MEIS1: variants seen among roughly 807,000 people sequenced by gnomAD.
The protein encoded by MEIS1 is homeobox protein Meis1.
In MEIS1, 5 loss-of-function variants were observed where a neutral mutation model predicts 50.8. That is an observed-to-expected ratio of 0.10 (90% CI 0.05 to 0.21). The LOEUF is 0.21. Ranked by LOEUF, MEIS1 falls within the 10% of genes least tolerant of loss-of-function variation. MEIS1 has a pLI of 1.00. For synonymous variants in MEIS1, 176 were observed against 179.3 expected, an observed-to-expected ratio of 0.98 and a Z score of 0.15; for missense variants, 318 against 517.3, an observed-to-expected ratio of 0.61 and a Z score of 3.74.
At chr2:66,568,562 A>G (rs931550766) in intron 10 of MEIS1, 105 bp from the exon 11 acceptor site, 9 of 828,226 alleles carry the variant, frequency 1.1e-5, no homozygotes, top group Non-Finnish European at 1.8e-5. Flanking sequence ...CTAGCCTGCT[A>G]TGTTCTGTCT....
intron 9 of MEIS1, among the ~76,000 whole-genome samples, chr2:66,549,022 G>T (rs896102348): frequency 1.3e-5 from 2 of 152,132 alleles, no homozygotes; most frequent in African/African-American, 4.8e-5. Flanking sequence ...ATTTGTTCTT[G>T]ATGTCTATTG....
chr2:66,552,586 C>A (rs973067674), intron 9 of MEIS1, among the ~76,000 whole-genome samples: 36 of 152,066 alleles, frequency 2.4e-4, no homozygotes, highest in African/African-American at 8.2e-4. Flanking sequence ...TTATTGCTTT[C>A]AAAGCTGCAA....
intron 6 of MEIS1, chr2:66,445,398 G>A (rs1672106805): frequency 6.6e-6 from 1 of 152,454 alleles, no homozygotes; most frequent in Non-Finnish European, 1.5e-5. Flanking sequence ...CGCGACGAAT[G>A]AAGCACCAGG....
intron 6 of MEIS1, among the ~76,000 whole-genome samples, chr2:66,458,044 T>C (rs1672434315): frequency 6.6e-6 from 1 of 152,212 alleles, no homozygotes; most frequent in Non-Finnish European, 1.5e-5. Context: ...ACACTGATTA[T>C]TTCATCAGTT....
At chr2:66,528,517 T>C (rs1001821811) in intron 8 of MEIS1, among the ~76,000 whole-genome samples, 1 of 152,124 alleles carries the variant, frequency 6.6e-6, no homozygotes, top group Non-Finnish European at 1.5e-5. Context: ...CCAACTCAGC[T>C]GAGACCCAGG....
intron 9 of MEIS1, among the ~76,000 whole-genome samples, chr2:66,550,748 T>C (rs1373399717): frequency 1.3e-5 from 2 of 152,120 alleles, no homozygotes; most frequent in Non-Finnish European, 2.9e-5. Context: ...TCCACCCACT[T>C]CAGCCTCCCA....
chr2:66,437,845 C>G lies in MEIS1; in HGVS notation c.121C>G (p.His41Asp). The G allele has an allele frequency of 6.2e-7, 1 of 1,613,852 alleles. No homozygotes were observed. Among genetic ancestry groups the G allele is most frequent in the Non-Finnish European group, 8.5e-7 (1 of 1,179,856 alleles). ...CATGCAGCCGGTCCACCACCTGAAC[C>G]ACGGGCCTCCTCTGCACTCGCATCA... is the stretch of plus-strand genomic sequence containing the variant. ...RSMQPVHHLN[H>D]GPPLHSHQYP... The change falls in exon 2 of 13, where the codon CAC (histidine) becomes GAC (aspartate). Residue 41 changes from histidine to aspartate, a missense_variant. His to Asp is a moderately conservative substitution (Grantham distance 81, BLOSUM62 -1). Coordinates refer to ENST00000272369, the MANE Select transcript of MEIS1 (RefSeq NM_002398.3).
intron 8 of MEIS1, among the ~76,000 whole-genome samples, chr2:66,533,637 T>C (rs1348815239): frequency 1.3e-5 from 2 of 152,212 alleles, no homozygotes; most frequent in African/African-American, 4.8e-5. Context: ...AGGGAAAACA[T>C]AGCCTCTTTT....
At chr2:66,549,454 T>C (rs1015105838) in intron 9 of MEIS1, among the ~76,000 whole-genome samples, 1 of 152,108 alleles carries the variant, frequency 6.6e-6, no homozygotes, top group African/African-American at 2.4e-5. Context: ...TTCAAGGCTG[T>C]TAATACTACA....
intron 6 of MEIS1, among the ~76,000 whole-genome samples, chr2:66,447,781 A>G (rs901985345): frequency 1.3e-5 from 2 of 152,176 alleles, no homozygotes; most frequent in Non-Finnish European, 2.9e-5. Flanking sequence ...CTCTAAGTCT[A>G]AACGCTAATA....
Position 66,571,334 on chromosome 2 carries a change from GC to G in MEIS1, c.*133del, listed in dbSNP as rs762712444. 3.1e-6 allele frequency: 5 copies of G among 1,598,332 alleles called. No homozygotes were observed. Among genetic ancestry groups the G allele is most frequent in the Non-Finnish European group, 4.3e-6 (5 of 1,172,678 alleles). ...AGCCAAGTTATACCCAACCCCAGAT[GC>G]CCCCCCATCCTGCTCAGCTGCGTCA... On this transcript the variant is annotated 3_prime_UTR_variant, in exon 13 of 13. Transcript: ENST00000272369.
chr2:66,516,721 C>T (rs1035491255), intron 8 of MEIS1, among the ~76,000 whole-genome samples: 3 of 152,014 alleles, frequency 2.0e-5, no homozygotes, highest in Non-Finnish European at 4.4e-5. Context: ...CATAGTAACA[C>T]TATTAGATGA....
chr2:66,509,864 C>T (rs1673781689), intron 7 of MEIS1, among the ~76,000 whole-genome samples: 1 of 152,182 alleles, frequency 6.6e-6, no homozygotes, highest in Non-Finnish European at 1.5e-5. Context: ...GTCATCTCTG[C>T]TGGATTATAG....
chr2:66,439,451 T>C, intron 2 of MEIS1: 1 of 1,365,584 alleles, frequency 7.3e-7, no homozygotes, highest in East Asian at 2.8e-5. Context: ...CCTCCCCAAC[T>C]CTCCGCCCGG....
Position 66,568,768 on chromosome 2 carries a change from T to C in MEIS1, c.1114+12T>C. On this transcript the variant is annotated intron_variant, in intron 11 of 12. Transcript: ENST00000272369. Reference sequence around the variant, plus strand: ...AATTAGAGCACCAGGTAAGACTTTGTTTTTGTGGTAGTTCCTCATTTTTGA... The same window carrying C: ...AATTAGAGCACCAGGTAAGACTTTGCTTTTGTGGTAGTTCCTCATTTTTGA... 6.2e-7 allele frequency: 1 copy of C among 1,610,668 alleles called. No homozygotes were observed. The highest frequency in any genetic ancestry group is 1.1e-5 in the South Asian group (1 of 91,000).
intron 7 of MEIS1, chr2:66,496,193 G>A (rs1673398280): frequency 6.6e-6 from 1 of 152,220 alleles, no homozygotes; most frequent in Non-Finnish European, 1.5e-5. Flanking sequence ...ACCCAAGATA[G>A]ATTTCAGGTT....
chr2:66,470,887 TTCTG>T (rs1446877461), intron 7 of MEIS1, among the ~76,000 whole-genome samples: 2 of 152,174 alleles, frequency 1.3e-5, no homozygotes, highest in Non-Finnish European at 2.9e-5. Context: ...CAGACAAATG[TTCTG>T]TCTTTTTCTG....
At chr2:66,528,578 C>A (rs929366797) in intron 8 of MEIS1, among the ~76,000 whole-genome samples, 4 of 152,090 alleles carry the variant, frequency 2.6e-5, no homozygotes, top group African/African-American at 9.7e-5. Context: ...AGTTGCTCAT[C>A]CCTGAGTCCC....
Position 66,442,824 on chromosome 2 carries a change from G to A in MEIS1, c.484-78G>A, listed in dbSNP as rs1329369573. 5 of 1,361,304 alleles carry A rather than the reference G, an allele frequency of 3.7e-6. No homozygotes were observed. In the Admixed American group the frequency reaches 8.2e-5, roughly 22 times the overall value. 84.3% of individuals were successfully genotyped at this position (1,361,304 alleles called of 1,614,324 possible). A position where few individuals can be genotyped will look rare whatever the true frequency, so the allele number is the denominator to read the frequency against. On this transcript the variant is annotated intron_variant, in intron 5 of 12. Transcript: ENST00000272369. ...TATTTGGAAGTTTGGATCTCACAAGGGGGGTGGATTGCACTTGTCAATGTC... is the reference window on the plus strand; with the variant it reads ...TATTTGGAAGTTTGGATCTCACAAGAGGGGTGGATTGCACTTGTCAATGTC...
Sources: gnomAD v4.1 joint callset for allele counts (sites outside exome capture counted in the v4.1 genomes callset) on GRCh38, gnomAD v4.1.1 for gene constraint, MANE v1.5 for transcripts, NCBI Gene and HGNC (gene_info 2026-07-23, HGNC 2026-07-21) for gene names.